Variants in SND1 observed in about 807,000 individuals in gnomAD.
SND1 encodes staphylococcal nuclease domain-containing protein 1.
Under a neutral mutation model 121.7 loss-of-function variants are expected in SND1, and 38 were observed. The ratio of observed to expected loss-of-function variants is 0.31; its 90% confidence interval spans 0.24 to 0.41. The LOEUF (loss-of-function observed/expected upper bound fraction) is 0.41. Among genes scored for constraint, SND1 ranks in the 10% least tolerant of loss-of-function variants. The pLI is 1.00. For missense variants in SND1, 868 were observed against 1,184.6 expected, an observed-to-expected ratio of 0.73 and a Z score of 3.92; for synonymous variants, 401 against 447.4, an observed-to-expected ratio of 0.90 and a Z score of 1.31.
intron 16 of SND1, chr7:128,030,686 G>A: frequency 6.6e-7 from 1 of 1,523,774 alleles, no homozygotes; most frequent in South Asian, 1.3e-5. Context: ...TTTTGGCTCG[G>A]AAAGGAGAAC....
At chr7:128,014,488 A>G (rs746292049) in intron 16 of SND1, among the ~76,000 whole-genome samples, 1 of 152,186 alleles carries the variant, frequency 6.6e-6, no homozygotes, top group Non-Finnish European at 1.5e-5. Context: ...AAGGAGCTGG[A>G]GTGGCACTTG....
intron 13 of SND1, chr7:127,904,519 A>G (rs988426270): frequency 1.6e-5 from 6 of 368,784 alleles, no homozygotes; most frequent in Non-Finnish European, 3.0e-5. Flanking sequence ...TGTTAGTGGA[A>G]ACTGGCAGCC....
chr7:128,029,381 C>T lies in SND1; in HGVS notation c.1779+38325C>T, dbSNP rs767269069. ...CATTGGTCACCATGCATGTGTACAC[C>T]CCAGTGTCTGAAAGCAGCACGTGGG... On this transcript the variant is annotated intron_variant, in intron 16 of 23. Transcript: ENST00000354725. The surrounding 1 kb of genome is among the most constrained non-coding windows in gnomAD (Gnocchi z 4.2). 1.2e-6 allele frequency: 2 copies of T among 1,614,116 alleles called. No individual in the cohort carries two copies. The highest frequency in any genetic ancestry group is 1.1e-5 in the South Asian group (1 of 91,072).
chr7:128,029,924 A>C lies in SND1; in HGVS notation c.1779+38868A>C. ...AGAGCTTCTTGAGGGAGCTCAGGCC[A>C]TGGAAGGAGCCAGGCCTGATCTCAG... On this transcript the variant is annotated intron_variant, in intron 16 of 23. Transcript: ENST00000354725. This position sits in a 1 kb window ranked among gnomAD's most constrained non-coding sequence, Gnocchi z 4.2. 6.2e-7 allele frequency: 1 copy of C among 1,613,226 alleles called. No homozygotes were observed. Among genetic ancestry groups the C allele is most frequent in the Non-Finnish European group, 8.5e-7 (1 of 1,180,022 alleles).
intron 16 of SND1, among the ~76,000 whole-genome samples, chr7:128,033,223 C>T (rs886619540): frequency 6.6e-6 from 1 of 152,172 alleles, no homozygotes; most frequent in Non-Finnish European, 1.5e-5. Context: ...GACCCTAAGG[C>T]ATTTGACAGA....
intron 9 of SND1, among the ~76,000 whole-genome samples, chr7:127,717,928 A>G (rs1796419049): frequency 6.6e-6 from 1 of 152,180 alleles, no homozygotes; most frequent in Admixed American, 6.5e-5. Flanking sequence ...GGCTGTACAG[A>G]TGAGAGAGTG....
chr7:127,874,682 G>A (rs750552076), intron 12 of SND1, among the ~76,000 whole-genome samples: 17 of 151,874 alleles, frequency 1.1e-4, no homozygotes, highest in Non-Finnish European at 2.1e-4. Context: ...TCTACTTTAC[G>A]TTGGAATATA....
intron 15 of SND1, among the ~76,000 whole-genome samples, chr7:127,948,391 C>A (rs548990312): frequency 6.6e-6 from 1 of 152,156 alleles, no homozygotes; most frequent in Admixed American, 6.5e-5. Context: ...TACTATCTTA[C>A]ATTTTGAGTT....
intron 9 of SND1, among the ~76,000 whole-genome samples, chr7:127,710,942 C>T (rs1162992530): frequency 1.3e-5 from 2 of 152,116 alleles, no homozygotes; most frequent in Non-Finnish European, 2.9e-5. Context: ...ATGGCTACTT[C>T]TAGTTTCCTG....
chr7:127,768,608 A>AT (rs1797460116), intron 10 of SND1, among the ~76,000 whole-genome samples: 1 of 152,168 alleles, frequency 6.6e-6, no homozygotes, highest in South Asian at 2.1e-4. Flanking sequence ...TGGAAGAGCC[A>AT]TTTTTCTCAG....
intron 2 of SND1, among the ~76,000 whole-genome samples, chr7:127,691,930 T>C (rs1795925508): frequency 6.6e-6 from 1 of 151,928 alleles, no homozygotes; most frequent in Non-Finnish European, 1.5e-5. Context: ...CCCAAAGTGC[T>C]GGGATTACAG....
chr7:128,042,114 T>TGGCA (rs1190025123), intron 16 of SND1, among the ~76,000 whole-genome samples: 4 of 152,110 alleles, frequency 2.6e-5, no homozygotes, highest in Non-Finnish European at 4.4e-5. Flanking sequence ...CCAGTTTGTA[T>TGGCA]GGCAGCCCAG....
chr7:127,967,069 C>A (rs1172877151), intron 15 of SND1, among the ~76,000 whole-genome samples: 1 of 152,164 alleles, frequency 6.6e-6, no homozygotes, highest in African/African-American at 2.4e-5. Flanking sequence ...TCCTGTAGCA[C>A]CCTTCTGCAA....
chr7:127,758,725 A>C (rs367668414), intron 10 of SND1, among the ~76,000 whole-genome samples: 1 of 152,082 alleles, frequency 6.6e-6, no homozygotes, highest in Non-Finnish European at 1.5e-5. Context: ...TGACATAGCA[A>C]TTTTCAAAGG....
Position 127,737,318 on chromosome 7 carries a change from T to C in SND1, c.1152+15918T>C, listed in dbSNP as rs1045159131. Reference sequence around the variant, plus strand: ...GGCAGGGCATGGTGGCTCATGCTTGTAATCCCAGCACTTTGGGAGGCCAAG... The same window carrying C: ...GGCAGGGCATGGTGGCTCATGCTTGCAATCCCAGCACTTTGGGAGGCCAAG... On this transcript the variant is annotated intron_variant, in intron 10 of 23. Coordinates refer to ENST00000354725, the MANE Select transcript of SND1 (RefSeq NM_014390.4). Among the ~76,000 whole-genome samples, 6 of 152,200 alleles carry C rather than the reference T, an allele frequency of 3.9e-5. No individual in the cohort carries two copies. In the East Asian group the frequency reaches 9.6e-4, roughly 24 times the overall value.
At chr7:127,929,064 C>T in intron 14 of SND1, 124 bp from the exon 15 acceptor site, 1 of 900,034 alleles carries the variant, frequency 1.1e-6, no homozygotes, top group Non-Finnish European at 1.7e-6. Context: ...GTCTTGGTTT[C>T]AGAAATGTCT....
At chr7:127,676,416 A>G (rs549721891) in intron 1 of SND1, among the ~76,000 whole-genome samples, 15 of 152,306 alleles carry the variant, frequency 9.8e-5, no homozygotes, top group Non-Finnish European at 2.2e-4. Context: ...AAGGAATATC[A>G]CAGTGTTCAG....
intron 1 of SND1, among the ~76,000 whole-genome samples, chr7:127,673,400 C>G (rs908017743): frequency 3.3e-5 from 5 of 152,124 alleles, no homozygotes; most frequent in Admixed American, 6.6e-5. Flanking sequence ...CAGCCTTTGC[C>G]TCCTGGGTTT....
intron 10 of SND1, among the ~76,000 whole-genome samples, chr7:127,751,349 A>G (rs1444234298): frequency 3.9e-5 from 6 of 152,170 alleles, no homozygotes; most frequent in Admixed American, 3.9e-4. Context: ...CCCATGAATT[A>G]GGACAGTGTA....
Sources: allele counts gnomAD v4.1 joint callset (sites outside exome capture counted in the v4.1 genomes callset), GRCh38; gene constraint gnomAD v4.1.1; non-coding constraint Gnocchi (gnomAD v3.1); transcripts MANE v1.5; gene names NCBI Gene and HGNC (gene_info 2026-07-23, HGNC 2026-07-21).